MKS1: variants seen among roughly 807,000 people sequenced by gnomAD.
MKS1 encodes tectonic-like complex member MKS1.
In MKS1, 70 loss-of-function variants were observed where a neutral mutation model predicts 83.7. That is an observed-to-expected ratio of 0.84 (90% CI 0.69 to 1.02). The LOEUF (loss-of-function observed/expected upper bound fraction) is 1.02. MKS1 is among the 50% of genes least tolerant of loss of function. The pLI is 0.00. For synonymous variants in MKS1, 251 were observed against 273.4 expected (o/e 0.92, Z 0.81); for missense variants, 681 against 726.9 (o/e 0.94, Z 0.73).
At chr17:58,206,425 A>G in intron 16 of MKS1, 40 bp downstream of exon 16, 1 of 1,614,054 alleles carries the variant, frequency 6.2e-7, no homozygotes, top group East Asian at 2.2e-5. Flanking sequence ...TCCACCCCTC[A>G]GGGCTAAGGT....
chr17:58,214,304 G>A lies in MKS1; in HGVS notation c.599C>T (p.Pro200Leu), dbSNP rs1969060375. 6.2e-7 allele frequency: 1 copy of A among 1,614,028 alleles called. No homozygotes were observed. The highest frequency in any genetic ancestry group is 8.5e-7 in the Non-Finnish European group (1 of 1,180,040). The change falls in exon 6 of 18, where the codon CCT becomes CTT. Residue 200 changes from proline to leucine, a missense_variant. Coordinates refer to ENST00000393119, the MANE Select transcript of MKS1 (RefSeq NM_017777.4). ...TGCCATGATGTGCATTGTCTGAAGA[G>A]GGGTGTTAATGACGTGGTTGTTCCT... ...FVRNNHVINT[P>L]LQTMHIMADL...
rs530679242 is a variant in MKS1 at position 58,218,889 on chromosome 17, G to A, written c.81-160C>T. On this transcript the variant is annotated intron_variant, in intron 1 of 17. Coordinates refer to ENST00000393119, the MANE Select transcript of MKS1 (RefSeq NM_017777.4). Reference sequence around the variant, plus strand: ...GGTGGGTGCGCCGTCCTATGGGGAAGAATGAAGGGGAGAGGGTGTACTGGG... The same window carrying A: ...GGTGGGTGCGCCGTCCTATGGGGAAAAATGAAGGGGAGAGGGTGTACTGGG... 6.0e-6 allele frequency: 5 copies of A among 830,718 alleles called. No homozygotes were observed. The East Asian group carries it at 7.9e-5, about 13-fold the overall frequency. 51.5% of individuals were successfully genotyped at this position (830,718 alleles called of 1,614,324 possible).
intron 9 of MKS1, among the ~76,000 whole-genome samples, chr17:58,211,729 A>ATTTT (rs35375018): frequency 2.1e-4 from 29 of 137,234 alleles, no homozygotes; most frequent in Admixed American, 2.9e-4. Context: ...TGCCTTGCTA[A>ATTTT]TTTTTTTTTT....
chr17:58,208,286 G>A (rs770815807), intron 12 of MKS1, 112 bp from the exon 13 acceptor site: 5 of 1,078,612 alleles, frequency 4.6e-6, no homozygotes, highest in Admixed American at 1.9e-5. Context: ...TCACCCAGGT[G>A]GGAAATAGGA....
chr17:58,214,567 A>G (rs1969079803), intron 5 of MKS1, among the ~76,000 whole-genome samples, 174 bp downstream of exon 5: 1 of 152,196 alleles, frequency 6.6e-6, no homozygotes, highest in Admixed American at 6.5e-5. Flanking sequence ...GGCACTTTGG[A>G]AAAATGTCCA....
chr17:58,218,948 G>A (rs1969424550), intron 1 of MKS1: 1 of 867,064 alleles, frequency 1.2e-6, no homozygotes, highest in Non-Finnish European at 1.8e-6. Flanking sequence ...GAGCAACAAA[G>A]ACGTGAATGG....
intron 11 of MKS1, among the ~76,000 whole-genome samples, 155 bp from the exon 12 acceptor site, chr17:58,208,738 T>C (rs535241462): frequency 6.6e-6 from 1 of 151,710 alleles, no homozygotes; most frequent in African/African-American, 2.4e-5. Context: ...GGTCATAGGA[T>C]AATAGTGGAG....
Position 58,207,125 on chromosome 17 carries a change from A to G in MKS1, c.1367T>C (p.Leu456Pro), listed in dbSNP as rs1395940683. Residue 456 changes from leucine (L) to proline (P), a missense_variant, in exon 15 of 18, where the codon CTG becomes CCG. By Grantham distance (98) the Leu-to-Pro change is moderately conservative. Coordinates refer to ENST00000393119, the MANE Select transcript of MKS1 (RefSeq NM_017777.4). Reference sequence around the variant, plus strand: ...TATCCGTACATAGGAGAGGTCCTCCAGTTCCAGAGAACCGCCAATGAAAAA... The same window carrying G: ...TATCCGTACATAGGAGAGGTCCTCCGGTTCCAGAGAACCGCCAATGAAAAA... ...RRFFIGGSLE[L>P]EDLSYVRIPG... 2 of 1,614,120 alleles carry G rather than the reference A, an allele frequency of 1.2e-6. No individual in the cohort carries two copies. The highest frequency in any genetic ancestry group is 2.7e-5 in the African/African-American group (2 of 74,938).
intron 4 of MKS1, 121 bp downstream of exon 4, chr17:58,215,967 G>A (rs1159188839): frequency 8.0e-7 from 1 of 1,246,918 alleles, no homozygotes; most frequent in Non-Finnish European, 1.2e-6. Context: ...GCTCACAGCA[G>A]TTCCTAGACA....
chr17:58,219,173 G>T lies in MKS1; in HGVS notation c.58C>A (p.Pro20Thr), dbSNP rs1281315294. The T allele has an allele frequency of 6.4e-7, 1 of 1,551,328 alleles. No homozygotes were observed. The highest frequency in any genetic ancestry group is 8.7e-7 in the Non-Finnish European group (1 of 1,147,022). Reference protein sequence around the residue: ...TGEAVYRSRDPVRNLRLRVHL... With the variant: ...TGEAVYRSRDTVRNLRLRVHL... Reference sequence around the variant, plus strand: ...TACCGGAGGCGCAAGTTGCGCACGGGGTCCCGGGAGCGATACACTGCCTCC... The same window carrying T: ...TACCGGAGGCGCAAGTTGCGCACGGTGTCCCGGGAGCGATACACTGCCTCC... The change falls in exon 1 of 18, where the codon CCC becomes ACC. Residue 20 changes from proline (P) to threonine (T), a missense_variant. Physicochemically the swap from Pro to Thr is conservative, Grantham distance 38. This residue lies in a region of MKS1 where 365 missense variants were observed against 383.8 expected (regional missense o/e 0.95). Transcript: ENST00000393119.
Position 58,214,805 on chromosome 17 carries a change from C to G in MKS1, c.451G>C (p.Val151Leu). 1.2e-6 allele frequency: 2 copies of G among 1,606,062 alleles called. No individual in the cohort carries two copies. The highest frequency in any genetic ancestry group is 1.7e-6 in the Non-Finnish European group (2 of 1,179,712). ...ATTCGCTCGACCAAGAATGAAGGCA[C>G]CTCGCTGGCTGCAGTGGTCATTCTC... Reference protein sequence around the residue: ...CQRMTTAASEVPSFLVERMAN... With the variant: ...CQRMTTAASELPSFLVERMAN... Residue 151 changes from valine to leucine, a missense_variant, in exon 5 of 18, where the codon GTG (valine) becomes CTG (leucine). Around this residue, in one of 3 missense-constraint regions of MKS1, gnomAD observed 365 missense variants for 383.8 expected, o/e 0.95. Coordinates refer to ENST00000393119, the MANE Select transcript of MKS1 (RefSeq NM_017777.4).
intron 2 of MKS1, 87 bp from the exon 3 acceptor site, chr17:58,216,823 T>G: frequency 7.2e-7 from 1 of 1,392,074 alleles, no homozygotes. Context: ...AAGTCCCTAT[T>G]CTTATATTTG....
rs781466261 is a variant in MKS1, at chr17:58,216,656, A to C, written c.261+10T>G. On this transcript the variant is annotated intron_variant, in intron 3 of 17. Coordinates refer to ENST00000393119, the MANE Select transcript of MKS1 (RefSeq NM_017777.4). ...GGAATAGACAGAGAAGACAAGAGAC[A>C]CTGGCTCACCTGGCTAAAGAGCTTC... The C allele has an allele frequency of 6.2e-7, 1 of 1,613,948 alleles. No homozygotes were observed. The highest frequency in any genetic ancestry group is 2.2e-5 in the East Asian group (1 of 44,890).
chr17:58,206,520 G>A lies in MKS1; in HGVS notation c.1435C>T (p.Arg479Cys), dbSNP rs769442220. ...GTGACAGTGCCTGTGGTCTCTGTGC[G>A]GAGTCCAAAGCGGCTCAGGCGTTCC... is the stretch of plus-strand genomic sequence containing the variant. Reference protein sequence around the residue: ...KGERLSRFGLRTETTGTVTFR... With the variant: ...KGERLSRFGLCTETTGTVTFR... Residue 479 changes from arginine to cysteine, a missense_variant, in exon 16 of 18, where the codon CGC (arginine) becomes TGC (cysteine). Coordinates refer to ENST00000393119, the MANE Select transcript of MKS1 (RefSeq NM_017777.4). 68 of 1,613,658 alleles carry A rather than the reference G, an allele frequency of 4.2e-5. No homozygotes were observed. The highest frequency in any genetic ancestry group is 1.6e-4 in the African/African-American group (12 of 74,912).
Position 58,205,508 on chromosome 17 carries a change from T to C in MKS1, c.*571A>G. 7.8e-7 allele frequency: 1 copy of C among 1,281,092 alleles called. No individual in the cohort carries two copies. The highest frequency in any genetic ancestry group is 1.0e-6 in the Non-Finnish European group (1 of 980,740). 79.4% of individuals were successfully genotyped at this position (1,281,092 alleles called of 1,614,324 possible). ...ACAAACAAAAAAACACAGTAAAAGA[T>C]ACCACCCAGCTAGCAGAAAGGACTC... On this transcript the variant is annotated 3_prime_UTR_variant, in exon 18 of 18. Coordinates refer to ENST00000393119, the MANE Select transcript of MKS1 (RefSeq NM_017777.4).
chr17:58,216,299 T>C, intron 3 of MKS1, 56 bp from the exon 4 acceptor site: 1 of 1,574,582 alleles, frequency 6.4e-7, no homozygotes, highest in Non-Finnish European at 8.7e-7. Flanking sequence ...CATCAAACTT[T>C]TGCTTCTGTA....
At chr17:58,211,330 A>G (rs902640750) in intron 9 of MKS1, among the ~76,000 whole-genome samples, 3 of 152,220 alleles carry the variant, frequency 2.0e-5, no homozygotes, top group Non-Finnish European at 4.4e-5. Context: ...TTCCCTTTAG[A>G]TGGCTGAGGT....
intron 4 of MKS1, 108 bp downstream of exon 4, chr17:58,215,980 C>T (rs1232626974): frequency 1.5e-6 from 2 of 1,342,718 alleles, no homozygotes; most frequent in East Asian, 2.3e-5. Context: ...CCTAGACAGG[C>T]TACTTGTCTC....
intron 9 of MKS1, 100 bp downstream of exon 9, chr17:58,212,278 T>G (rs780806543): frequency 1.0e-5 from 14 of 1,354,204 alleles, no homozygotes; most frequent in Non-Finnish European, 1.3e-5. Context: ...CACTGTAGAG[T>G]ATACCTTTGG....
Sources: gnomAD v4.1 joint callset for allele counts (sites outside exome capture counted in the v4.1 genomes callset) on GRCh38, gnomAD v4.1.1 for gene constraint, gnomAD v4.1.1 regional missense constraint, MANE v1.5 for transcripts, NCBI Gene and HGNC (gene_info 2026-07-23, HGNC 2026-07-21) for gene names.